MARK1: variants seen among roughly 807,000 people sequenced by gnomAD.
MARK1 encodes the protein microtubule affinity regulating kinase 1.
Under a neutral mutation model 96.3 loss-of-function variants are expected in MARK1, and 40 were observed. The observed-to-expected ratio is 0.42, with a 90% confidence interval of 0.32 to 0.54. MARK1 has a LOEUF of 0.54. MARK1 is among the 20% of genes least tolerant of loss of function. MARK1 has a pLI of 0.16. For synonymous variants in MARK1, 317 were observed against 341.2 expected, an observed-to-expected ratio of 0.93 and a Z score of 0.78; for missense variants, 719 against 984.6, an observed-to-expected ratio of 0.73 and a Z score of 3.61.
rs901290247 is a variant in MARK1, at chr1:220,607,169, C to G, written c.495+3032C>G. 1.4e-4 allele frequency among the ~76,000 whole-genome samples: 22 copies of G among 152,252 alleles called. 1 individual carries two copies. In the South Asian group the frequency reaches 4.6e-3, roughly 32 times the overall value. Reference sequence around the variant, plus strand: ...CTATCCGTGAGCATGGAATATTCTTCCATTTGTTTGTGTCCTCTTTTATTT... The same window carrying G: ...CTATCCGTGAGCATGGAATATTCTTGCATTTGTTTGTGTCCTCTTTTATTT... On this transcript the variant is annotated intron_variant, in intron 6 of 17. Transcript: ENST00000366917.
chr1:220,631,041 A>G lies in MARK1; in HGVS notation c.916A>G (p.Met306Val), dbSNP rs1305003540. 3 of 1,608,310 alleles carry G rather than the reference A, an allele frequency of 1.9e-6. No homozygotes were observed. The Admixed American group carries it at 5.0e-5, about 27-fold the overall frequency. The change falls in exon 10 of 18, where the codon ATG (methionine) becomes GTG (valine). Residue 306 changes from methionine to valine, a missense_variant. By Grantham distance (21) the Met-to-Val change is conservative. Transcript: ENST00000366917. ...PIKRGSLEQIMKDRWMNVGHE... is the reference protein window; with the variant it reads ...PIKRGSLEQIVKDRWMNVGHE... ...TGTAGAGTTTATTTCCTAGCAAATA[A>G]TGAAAGATCGATGGATGAATGTTGG...
At chr1:220,539,080 C>T (rs1470835139) in intron 1 of MARK1, among the ~76,000 whole-genome samples, 1 of 152,052 alleles carries the variant, frequency 6.6e-6, no homozygotes, top group Admixed American at 6.5e-5. Context: ...TGCCTAATTG[C>T]CTTGGCCAGA....
chr1:220,626,923 T>C (rs1667376846), intron 9 of MARK1: 3 of 493,608 alleles, frequency 6.1e-6, no homozygotes, highest in Non-Finnish European at 1.2e-5. Flanking sequence ...TTCCAATTTG[T>C]AATGTTGCCT....
intron 11 of MARK1, among the ~76,000 whole-genome samples, chr1:220,633,861 C>T (rs1232555302): frequency 6.6e-6 from 1 of 152,140 alleles, no homozygotes; most frequent in African/African-American, 2.4e-5. Flanking sequence ...TTTGAGATTC[C>T]TGTTGGATGG....
At position 220,556,280 on chromosome 1, in the gene MARK1, G is replaced by A. The variant is rs563689717; in HGVS notation, c.52-23074G>A. Among the ~76,000 whole-genome samples the A allele has an allele frequency of 9.2e-5, 14 of 152,200 alleles. No individual in the cohort carries two copies. The South Asian group carries it at 2.9e-3, about 32-fold the overall frequency. ...ACAAGGAAGCTTGTCATCAGTACCGGAGGCCTTAAGTTTAACGGGGAGACA... is the reference window on the plus strand; with the variant it reads ...ACAAGGAAGCTTGTCATCAGTACCGAAGGCCTTAAGTTTAACGGGGAGACA... On this transcript the variant is annotated intron_variant, in intron 1 of 17. Coordinates refer to ENST00000366917, the MANE Select transcript of MARK1 (RefSeq NM_018650.5).
chr1:220,537,405 A>G (rs1490855809), intron 1 of MARK1, among the ~76,000 whole-genome samples: 1 of 151,610 alleles, frequency 6.6e-6, no homozygotes, highest in Non-Finnish European at 1.5e-5. Flanking sequence ...TGTCCCTACA[A>G]AGGACATGAA....
intron 1 of MARK1, among the ~76,000 whole-genome samples, chr1:220,558,768 A>G (rs1662466689): frequency 6.6e-6 from 1 of 152,106 alleles, no homozygotes; most frequent in African/African-American, 2.4e-5. Context: ...TAATGATAAA[A>G]CTATAGAAAT....
chr1:220,599,965 C>A, intron 5 of MARK1, 102 bp downstream of exon 5: 1 of 652,844 alleles, frequency 1.5e-6, no homozygotes, highest in Non-Finnish European at 2.5e-6. Context: ...GTTAATGAAT[C>A]TATTGTTTTA....
In MARK1 at chr1:220,622,375, T is replaced by C. The variant is rs79518196; in HGVS notation, c.909+3620T>C. Among the ~76,000 whole-genome samples the C allele has an allele frequency of 5.3e-3, 812 of 152,316 alleles. 1 individual carries two copies. Among genetic ancestry groups the C allele is most frequent in the Non-Finnish European group, 8.2e-3 (560 of 68,012 alleles). On this transcript the variant is annotated intron_variant, in intron 9 of 17. Transcript: ENST00000366917. ...GTCGTCATTGGTCCTCCCATAAAAG[T>C]GTTTATTTTGACTTTTGATACTTAA...
intron 1 of MARK1, among the ~76,000 whole-genome samples, chr1:220,556,485 CAAAAAAAAA>C (rs55808704): frequency 2.3e-5 from 2 of 85,822 alleles, no homozygotes; most frequent in African/African-American, 9.2e-5. Context: ...GGGACTGTCA[CAAAAAAAAA>C]AAAAAAAAAA....
At chr1:220,633,555 G>A (rs1030337229) in intron 11 of MARK1, among the ~76,000 whole-genome samples, 5 of 152,186 alleles carry the variant, frequency 3.3e-5, no homozygotes, top group South Asian at 2.1e-4. Context: ...GTCTAGAGAC[G>A]AGGTGAGCAG....
intron 1 of MARK1, among the ~76,000 whole-genome samples, chr1:220,548,930 C>A (rs1293869251): frequency 6.6e-6 from 1 of 152,078 alleles, no homozygotes; most frequent in African/African-American, 2.4e-5. Context: ...TCTTTTATTA[C>A]CAGCTTGTAA....
chr1:220,528,714 G>T lies in MARK1; in HGVS notation c.-109G>T. ...CACCGCCCCGCGGCCTGCGGGAGCCGCTCGCCCCGGCCTTGTGCTCGCGTC... is the reference window on the plus strand; with the variant it reads ...CACCGCCCCGCGGCCTGCGGGAGCCTCTCGCCCCGGCCTTGTGCTCGCGTC... On this transcript the variant is annotated 5_prime_UTR_variant, in exon 1 of 18. Transcript: ENST00000366917. 1 of 980,254 alleles carries T rather than the reference G, an allele frequency of 1.0e-6. No individual in the cohort carries two copies. 60.7% of individuals were successfully genotyped at this position (980,254 alleles called of 1,614,324 possible). A position where few individuals can be genotyped will look rare whatever the true frequency, so the allele number is the denominator to read the frequency against.
Position 220,528,860 on chromosome 1 carries a change from G to A in MARK1, c.38G>A (p.Arg13Gln). ...ARTPLPTVNE[R>Q]DTENHTSVDG... Reference sequence around the variant, plus strand: ...ACGCCATTGCCGACGGTGAACGAGCGGGACACGGAAAATGTGAGTAACCGG... The same window carrying A: ...ACGCCATTGCCGACGGTGAACGAGCAGGACACGGAAAATGTGAGTAACCGG... The change falls in exon 1 of 18, where the codon CGG (arginine) becomes CAG (glutamine). Residue 13 changes from arginine (R) to glutamine (Q), a missense_variant. Around this residue, in one of 4 missense-constraint regions of MARK1, gnomAD observed 105 missense variants for 133.4 expected, o/e 0.79. Transcript: ENST00000366917. The A allele has an allele frequency of 1.9e-6, 3 of 1,571,186 alleles. No individual in the cohort carries two copies. Among genetic ancestry groups the A allele is most frequent in the East Asian group, 2.4e-5 (1 of 42,066 alleles).
At chr1:220,535,905 T>A (rs1448580384) in intron 1 of MARK1, among the ~76,000 whole-genome samples, 1 of 152,180 alleles carries the variant, frequency 6.6e-6, no homozygotes, top group East Asian at 1.9e-4. Flanking sequence ...CTATTTTGAT[T>A]ACCATAGCTT....
intron 2 of MARK1, among the ~76,000 whole-genome samples, chr1:220,580,116 CTT>C (rs1223503337): frequency 1.3e-5 from 2 of 151,916 alleles, no homozygotes; most frequent in African/African-American, 4.8e-5. Context: ...GGGTTACAGA[CTT>C]TATTTGAATA....
chr1:220,604,273 A>T (rs1665932672), intron 6 of MARK1, 136 bp downstream of exon 6: 2 of 482,890 alleles, frequency 4.1e-6, no homozygotes, highest in Admixed American at 7.7e-5. Context: ...TTAAGGATGG[A>T]AAACTCCTAA....
At chr1:220,544,246 G>A (rs1661332160) in intron 1 of MARK1, among the ~76,000 whole-genome samples, 1 of 152,200 alleles carries the variant, frequency 6.6e-6, no homozygotes, top group Admixed American at 6.5e-5. Flanking sequence ...GCCTGCTGTG[G>A]TGTGAATGTG....
rs969507296 is a variant in MARK1, at chr1:220,618,489, C to T, written c.732C>T (p.Gly244=). 11 of 1,614,096 alleles carry T rather than the reference C, an allele frequency of 6.8e-6. No homozygotes were observed. Among genetic ancestry groups the T allele is most frequent in the Non-Finnish European group, 9.3e-6 (11 of 1,180,008 alleles). Residue 244 remains glycine, a synonymous_variant, in exon 8 of 18, where the codon GGC becomes GGT. Coordinates refer to ENST00000366917, the MANE Select transcript of MARK1 (RefSeq NM_018650.5). The surrounding 1 kb of genome is among the most constrained non-coding windows in gnomAD (Gnocchi z 4.6). ...CTGAAGTGGATGTGTGGAGTCTGGG[C>T]GTCATTCTCTATACATTAGTCAGTG... The part of the protein sequence containing the change: ...DGPEVDVWSL[G]VILYTLVSGS...
Sources: gnomAD v4.1 joint callset for allele counts (sites outside exome capture counted in the v4.1 genomes callset) on GRCh38, gnomAD v4.1.1 for gene constraint, gnomAD v4.1.1 regional missense constraint, Gnocchi (gnomAD v3.1) non-coding constraint, MANE v1.5 for transcripts, NCBI Gene and HGNC (gene_info 2026-07-23, HGNC 2026-07-21) for gene names.